RFX2: variants seen among roughly 807,000 people sequenced by gnomAD.
The protein encoded by RFX2 is regulatory factor X2.
Under a neutral mutation model 87.8 loss-of-function variants are expected in RFX2, and 20 were observed. The observed-to-expected ratio is 0.23, with a 90% CI of 0.16 to 0.33. The LOEUF (loss-of-function observed/expected upper bound fraction) is 0.33. RFX2 is among the 10% of genes least tolerant of loss of function. The probability of loss-of-function intolerance (pLI) is 1.00; values close to 1 mark genes in which losing one functional copy is unlikely to be tolerated. For missense variants in RFX2, 767 were observed against 1,012.3 expected, an observed-to-expected ratio of 0.76 and a Z score of 3.29; for synonymous variants, 397 against 431.3, an observed-to-expected ratio of 0.92 and a Z score of 0.98.
At position 5,999,984 on chromosome 19, in the gene RFX2, AT is replaced by A. The variant is rs60431255; in HGVS notation, c.1859+1830del. Among the ~76,000 whole-genome samples, 447 of 141,850 alleles carry A rather than the reference AT, an allele frequency of 3.2e-3. 1 individual carries two copies. Among genetic ancestry groups the A allele is most frequent in the African/African-American group, 7.2e-3 (280 of 38,832 alleles). The allele number at this position is 141,850 out of a possible 152,430, so 93.1% of individuals were successfully genotyped here. ...CTGAGGGGTCAGCAAACTTGTTCTT[AT>A]TTTTTTTTTTTTTCTTGAGATGGAG... On this transcript the variant is annotated intron_variant, in intron 15 of 17. Transcript: ENST00000303657. The surrounding 1 kb of genome is among the most constrained non-coding windows in gnomAD (Gnocchi z 4.1).
At chr19:6,100,039 C>G (rs1327340806) in intron 1 of RFX2, among the ~76,000 whole-genome samples, 1 of 152,168 alleles carries the variant, frequency 6.6e-6, no homozygotes, top group African/African-American at 2.4e-5. Flanking sequence ...AGACTCAGCT[C>G]TAGTTTATAT....
intron 5 of RFX2, among the ~76,000 whole-genome samples, chr19:6,031,423 C>CTTTTTTTTTTTTTTTTTTTTTT: frequency 1.1e-5 from 1 of 90,220 alleles, no homozygotes; most frequent in Admixed American, 1.8e-4. Context: ...TTCTCCTTCC[C>CTTTTTTTTTTTTTTTTTTTTTT]TTTTTTTTTT....
rs1373479044 is a variant in RFX2 at position 6,007,616 on chromosome 19, G to C, written c.1247+74C>G. 22 of 845,018 alleles carry C rather than the reference G, an allele frequency of 2.6e-5. No homozygotes were observed. The highest frequency in any genetic ancestry group is 7.8e-6 in the Non-Finnish European group (4 of 509,814). 52.3% of individuals were successfully genotyped at this position (845,018 alleles called of 1,614,324 possible). ...TCTTGGAGAGCTGAGGCTTTCGTTT[G>C]TGGGTTACCTGTGGACGTCAGCAGG... On this transcript the variant is annotated intron_variant, in intron 11 of 17. Coordinates refer to ENST00000303657, the MANE Select transcript of RFX2 (RefSeq NM_000635.4). The surrounding 1 kb of genome is among the most constrained non-coding windows in gnomAD (Gnocchi z 8.2).
At chr19:6,067,090 C>A (rs1400920845) in intron 1 of RFX2, among the ~76,000 whole-genome samples, 1 of 152,168 alleles carries the variant, frequency 6.6e-6, no homozygotes, top group Non-Finnish European at 1.5e-5. Flanking sequence ...GGTAAGAGGG[C>A]ATCACAGGAG....
Position 6,010,906 on chromosome 19 carries a change from C to T in RFX2, c.900-655G>A, listed in dbSNP as rs569515302. On this transcript the variant is annotated intron_variant, in intron 8 of 17. Transcript: ENST00000303657. The surrounding 1 kb of genome is among the most constrained non-coding windows in gnomAD (Gnocchi z 5.0). ...CCGAGGCAGGTGGATCATCTGAGGT[C>T]GGGAGTTCGAGACCAGCCTGACCAA... Among the ~76,000 whole-genome samples the T allele has an allele frequency of 5.9e-5, 9 of 152,188 alleles. No homozygotes were observed. The South Asian group carries it at 1.7e-3, about 28-fold the overall frequency.
chr19:6,104,564 A>G (rs372569851), intron 1 of RFX2, among the ~76,000 whole-genome samples: 1 of 133,878 alleles, frequency 7.5e-6, no homozygotes, highest in Non-Finnish European at 1.5e-5. Context: ...GTGAGACTCC[A>G]TCTCAAAAAA....
chr19:6,091,806 G>GT (rs1458990942), intron 1 of RFX2, among the ~76,000 whole-genome samples: 25 of 152,328 alleles, frequency 1.6e-4, no homozygotes, highest in African/African-American at 5.3e-4. Context: ...CGCAAAACGT[G>GT]TTTACATGAG....
At position 6,002,587 on chromosome 19, in the gene RFX2, C is replaced by T; in HGVS notation, c.1650+134G>A. The T allele has an allele frequency of 9.1e-7, 1 of 1,095,286 alleles. No homozygotes were observed. Among genetic ancestry groups the T allele is most frequent in the East Asian group, 2.4e-5 (1 of 41,372 alleles). The allele number at this position is 1,095,286 out of a possible 1,614,324, so 67.8% of individuals were successfully genotyped here. On this transcript the variant is annotated intron_variant, in intron 14 of 17. Transcript: ENST00000303657. The surrounding 1 kb of genome is among the most constrained non-coding windows in gnomAD (Gnocchi z 6.7). ...CTGTGGGTGGGCTTTGGCCTGGGACCCGTGTCATGCAACAGAACCGTGGCC... is the reference window on the plus strand; with the variant it reads ...CTGTGGGTGGGCTTTGGCCTGGGACTCGTGTCATGCAACAGAACCGTGGCC...
In RFX2 at chr19:5,998,394, T is replaced by C. The variant is rs1488988300; in HGVS notation, c.1860-1181A>G. On this transcript the variant is annotated intron_variant, in intron 15 of 17. Transcript: ENST00000303657. This position sits in a 1 kb window ranked among gnomAD's most constrained non-coding sequence, Gnocchi z 4.2. Reference sequence around the variant, plus strand: ...TACAGTGGCACCTGATTAAAAACTTTGGCCTACAAGCCAGGCGGCCCCCAA... The same window carrying C: ...TACAGTGGCACCTGATTAAAAACTTCGGCCTACAAGCCAGGCGGCCCCCAA... Among the ~76,000 whole-genome samples, 1 of 152,240 alleles carries C rather than the reference T, an allele frequency of 6.6e-6. No homozygotes were observed. Among genetic ancestry groups the C allele is most frequent in the Non-Finnish European group, 1.5e-5 (1 of 68,046 alleles).
rs373317772 is a variant in RFX2, at chr19:5,995,300, AC to A, written c.2056+300del. 1.5e-3 allele frequency among the ~76,000 whole-genome samples: 220 copies of A among 151,536 alleles called. 1 individual carries two copies. The highest frequency in any genetic ancestry group is 5.3e-3 in the African/African-American group (217 of 41,262). ...GGGGTCCCTCTGGCCTGCCTGTCCC[AC>A]TCTCCTGCTGGGCGTGGGCGCAGGA... On this transcript the variant is annotated intron_variant, in intron 17 of 17. Coordinates refer to ENST00000303657, the MANE Select transcript of RFX2 (RefSeq NM_000635.4).
chr19:6,057,656 C>T (rs1449650133), intron 1 of RFX2, among the ~76,000 whole-genome samples: 11 of 152,208 alleles, frequency 7.2e-5, no homozygotes, highest in Admixed American at 7.2e-4. Context: ...TCAGCTCCTC[C>T]TCTCCTGGTA....
Position 6,012,958 on chromosome 19 carries a change from G to C in RFX2, c.899+28C>G. The C allele has an allele frequency of 1.3e-6, 2 of 1,490,548 alleles. No individual in the cohort carries two copies. The highest frequency in any genetic ancestry group is 2.8e-5 in the South Asian group (2 of 72,458). The allele number at this position is 1,490,548 out of a possible 1,614,324, so 92.3% of individuals were successfully genotyped here. On this transcript the variant is annotated intron_variant, in intron 8 of 17. Coordinates refer to ENST00000303657, the MANE Select transcript of RFX2 (RefSeq NM_000635.4). The surrounding 1 kb of genome is among the most constrained non-coding windows in gnomAD (Gnocchi z 4.6). ...CCCTCCATGCTCCAGGGGAGAGCCA[G>C]CTCCTCCCAGCTCGGCCCGGCACCC...
intron 1 of RFX2, among the ~76,000 whole-genome samples, chr19:6,060,292 C>T (rs977181929): frequency 2.2e-4 from 33 of 152,272 alleles, no homozygotes; most frequent in African/African-American, 7.5e-4. Flanking sequence ...ACAGCAGAGG[C>T]GAGGAGCTGA....
At chr19:6,033,750 T>G (rs945622385) in intron 5 of RFX2, among the ~76,000 whole-genome samples, 1 of 148,972 alleles carries the variant, frequency 6.7e-6, no homozygotes, top group Non-Finnish European at 1.5e-5. Flanking sequence ...TCAACAATAA[T>G]GTATCAATAT....
At chr19:6,031,720 G>A (rs865972093) in intron 5 of RFX2, among the ~76,000 whole-genome samples, 1 of 152,078 alleles carries the variant, frequency 6.6e-6, no homozygotes, top group African/African-American at 2.4e-5. Context: ...GTGAGCCACT[G>A]CACCCAGCCT....
chr19:6,098,026 T>C (rs1395695263), intron 1 of RFX2, among the ~76,000 whole-genome samples: 5 of 152,228 alleles, frequency 3.3e-5, no homozygotes, highest in African/African-American at 1.2e-4. Context: ...TGAAAAACCC[T>C]CTTTCTTCTT....
intron 1 of RFX2, among the ~76,000 whole-genome samples, chr19:6,099,537 A>T (rs1214757188): frequency 4.0e-5 from 6 of 151,854 alleles, no homozygotes; most frequent in African/African-American, 1.5e-4. Context: ...TTAAGAACTG[A>T]AGGTTTACCA....
rs925070975 is a variant in RFX2, at chr19:6,023,810, C to T, written c.597+2353G>A. On this transcript the variant is annotated intron_variant, in intron 6 of 17. Transcript: ENST00000303657. The surrounding 1 kb of genome is among the most constrained non-coding windows in gnomAD (Gnocchi z 4.9). Reference sequence around the variant, plus strand: ...CTTTTTTTTTTTTGAGATGGAGTCTCGCTCTGTCTCCCAGGCTGGAGTGCA... The same window carrying T: ...CTTTTTTTTTTTTGAGATGGAGTCTTGCTCTGTCTCCCAGGCTGGAGTGCA... Among the ~76,000 whole-genome samples, 7 of 151,542 alleles carry T rather than the reference C, an allele frequency of 4.6e-5. No homozygotes were observed. The highest frequency in any genetic ancestry group is 2.1e-4 in the South Asian group (1 of 4,798).
intron 6 of RFX2, among the ~76,000 whole-genome samples, chr19:6,025,593 A>G (rs2086876594): frequency 6.6e-6 from 1 of 152,114 alleles, no homozygotes; most frequent in Non-Finnish European, 1.5e-5. Context: ...CGTACATTAA[A>G]TAATTTACTC....
Sources: gnomAD v4.1 joint callset for allele counts (sites outside exome capture counted in the v4.1 genomes callset) on GRCh38, gnomAD v4.1.1 for gene constraint, Gnocchi (gnomAD v3.1) non-coding constraint, MANE v1.5 for transcripts, NCBI Gene and HGNC (gene_info 2026-07-23, HGNC 2026-07-21) for gene names.